MTA1: variants seen among roughly 807,000 people sequenced by gnomAD.
The protein encoded by MTA1 is metastasis associated 1.
MTA1 carries 15 observed loss-of-function variants against 97.0 expected under a neutral mutation model. That is an observed-to-expected ratio of 0.15 (90% CI 0.10 to 0.24). The LOEUF is 0.24. Ranked by LOEUF, MTA1 falls within the 10% of genes least tolerant of loss-of-function variation. The pLI is 1.00. For missense variants in MTA1, 709 were observed against 1,015.1 expected, an observed-to-expected ratio of 0.70 and a Z score of 4.10; for synonymous variants, 435 against 417.5, an observed-to-expected ratio of 1.04 and a Z score of -0.51.
At chr14:105,444,136 G>C (rs930776612) in intron 2 of MTA1, among the ~76,000 whole-genome samples, 1 of 151,838 alleles carries the variant, frequency 6.6e-6, no homozygotes, top group South Asian at 2.1e-4. Context: ...CACTTTGAGA[G>C]ACCAAGACGG....
intron 18 of MTA1, chr14:105,467,742 AGCCCACTCT>A: frequency 3.1e-6 from 1 of 322,450 alleles, no homozygotes; most frequent in East Asian, 1.0e-4. Flanking sequence ...GCCCAGGGCC[AGCCCACTCT>A]GGGCTGGCTT....
At chr14:105,441,416 G>A (rs11845893) in intron 2 of MTA1, among the ~76,000 whole-genome samples, 1 of 152,230 alleles carries the variant, frequency 6.6e-6, no homozygotes, top group Non-Finnish European at 1.5e-5. Flanking sequence ...CAGCACCGGG[G>A]AGGCTCCCAG....
chr14:105,426,647 C>A (rs1186806459), intron 1 of MTA1, among the ~76,000 whole-genome samples: 1 of 152,218 alleles, frequency 6.6e-6, no homozygotes, highest in African/African-American at 2.4e-5. Flanking sequence ...CTGTCTGCAT[C>A]CCCTGGGGGC....
At chr14:105,442,962 G>A (rs1555426167) in intron 2 of MTA1, among the ~76,000 whole-genome samples, 4 of 152,266 alleles carry the variant, frequency 2.6e-5, no homozygotes, top group South Asian at 2.1e-4. Context: ...ACCTGAATGC[G>A]GAAGAGCCTG....
chr14:105,460,640 G>A, intron 9 of MTA1, 125 bp from the exon 10 acceptor site: 13 of 1,249,256 alleles, frequency 1.0e-5, no homozygotes, highest in South Asian at 4.6e-5. Context: ...TGCTGAGGGT[G>A]CAGGGAGGGT....
rs1415210041 is a variant in MTA1 at position 105,422,603 on chromosome 14, A to G, written c.28+2540A>G. Among the ~76,000 whole-genome samples the G allele has an allele frequency of 2.6e-5, 4 of 152,156 alleles. No individual in the cohort carries two copies. The highest frequency in any genetic ancestry group is 9.7e-5 in the African/African-American group (4 of 41,426). On this transcript the variant is annotated intron_variant, in intron 1 of 20. Transcript: ENST00000331320. This position sits in a 1 kb window ranked among gnomAD's most constrained non-coding sequence, Gnocchi z 4.3. The stretch of plus-strand genomic sequence containing the variant: ...CAAATTTGAGTTTCAGATAAACAGA[A>G]ATTTATTAGTGTAAGTATGTCCCAA...
At chr14:105,442,387 C>A (rs1411019529) in intron 2 of MTA1, among the ~76,000 whole-genome samples, 1 of 152,202 alleles carries the variant, frequency 6.6e-6, no homozygotes, top group South Asian at 2.1e-4. Context: ...AAGATGCGGC[C>A]CCTGGTGCAG....
At chr14:105,453,469 T>G (rs2083022780) in intron 6 of MTA1, among the ~76,000 whole-genome samples, 1 of 152,244 alleles carries the variant, frequency 6.6e-6, no homozygotes, top group Non-Finnish European at 1.5e-5. Flanking sequence ...GTGATTGCAC[T>G]GCTGCACTCC....
Position 105,460,340 on chromosome 14 carries a change from C to A in MTA1, c.654-18C>A. The A allele has an allele frequency of 1.9e-6, 3 of 1,598,116 alleles. No individual in the cohort carries two copies. The highest frequency in any genetic ancestry group is 1.7e-6 in the Non-Finnish European group (2 of 1,172,318). On this transcript the variant is annotated intron_variant, in intron 8 of 20. Coordinates refer to ENST00000331320, the MANE Select transcript of MTA1 (RefSeq NM_004689.4). ...CCTGCTTGGCCGACACTGTGGTCAGCGCATCTCCTTTCCCCAGCTCTGTGG... is the reference window on the plus strand; with the variant it reads ...CCTGCTTGGCCGACACTGTGGTCAGAGCATCTCCTTTCCCCAGCTCTGTGG...
chr14:105,466,442 C>A lies in MTA1; in HGVS notation c.1641C>A (p.Pro547=). Residue 547 remains proline, a synonymous_variant, in exon 17 of 21, where the codon CCC becomes CCA. Coordinates refer to ENST00000331320, the MANE Select transcript of MTA1 (RefSeq NM_004689.4). ...TCCCGGCAGAGACCCACCCCCGCCC[C>A]CCCAAGCCTGACCCCGTGAAAAGCG... ...VLRYLETHPR[P]PKPDPVKSVS... The A allele has an allele frequency of 6.4e-7, 1 of 1,561,768 alleles. No individual in the cohort carries two copies. Among genetic ancestry groups the A allele is most frequent in the Non-Finnish European group, 8.8e-7 (1 of 1,142,368 alleles).
intron 1 of MTA1, among the ~76,000 whole-genome samples, chr14:105,423,699 A>C (rs1555421543): frequency 1.3e-5 from 2 of 152,208 alleles, no homozygotes; most frequent in Non-Finnish European, 2.9e-5. Context: ...GCTGGTCTTC[A>C]CTGGGCTTGG....
At chr14:105,444,017 G>A (rs2082629830) in intron 2 of MTA1, among the ~76,000 whole-genome samples, 1 of 151,794 alleles carries the variant, frequency 6.6e-6, no homozygotes, top group South Asian at 2.1e-4. Flanking sequence ...GAACCCGGGA[G>A]GTGGAGGTTG....
At chr14:105,440,027 T>G (rs2082456882) in intron 2 of MTA1, among the ~76,000 whole-genome samples, 1 of 152,172 alleles carries the variant, frequency 6.6e-6, no homozygotes, top group Admixed American at 6.5e-5. Flanking sequence ...TGCCACCACC[T>G]GGGGCCGAGG....
intron 3 of MTA1, 74 bp from the exon 4 acceptor site, chr14:105,449,285 C>T (rs1309692408): frequency 6.7e-7 from 1 of 1,502,910 alleles, no homozygotes; most frequent in African/African-American, 1.4e-5. Flanking sequence ...AGCCCTCGGT[C>T]CGGGCCCTGG....
rs370554338 is a variant in MTA1 at position 105,460,341 on chromosome 14, G to A, written c.654-17G>A. 3.8e-6 allele frequency: 6 copies of A among 1,599,218 alleles called. No homozygotes were observed. Among genetic ancestry groups the A allele is most frequent in the African/African-American group, 2.7e-5 (2 of 74,502 alleles). On this transcript the variant is annotated splice_polypyrimidine_tract_variant and intron_variant, in intron 8 of 20. Transcript: ENST00000331320. ...CTGCTTGGCCGACACTGTGGTCAGC[G>A]CATCTCCTTTCCCCAGCTCTGTGGG... is the stretch of plus-strand genomic sequence containing the variant.
In MTA1 at chr14:105,463,675, C is replaced by A. The variant is rs1341083903; in HGVS notation, c.1076+124C>A. On this transcript the variant is annotated intron_variant, in intron 12 of 20. Coordinates refer to ENST00000331320, the MANE Select transcript of MTA1 (RefSeq NM_004689.4). This position sits in a 1 kb window ranked among gnomAD's most constrained non-coding sequence, Gnocchi z 5.9. ...TCAGAGGCTGGGAAAGTTGGGGCAG[C>A]CCCCGGGAGGGCGGCCCAGGGCTGG... 1 of 1,002,426 alleles carries A rather than the reference C, an allele frequency of 1.0e-6. No individual in the cohort carries two copies. Among genetic ancestry groups the A allele is most frequent in the African/African-American group, 1.6e-5 (1 of 61,914 alleles). The allele number at this position is 1,002,426 out of a possible 1,614,324, so 62.1% of individuals were successfully genotyped here.
rs1555434335 is a variant in MTA1 at position 105,470,352 on chromosome 14, G to A, written c.*137G>A. Reference sequence around the variant, plus strand: ...CCTGCAGAGAAACGCGCTCCTTGGCGGACACTGGGGGAGGAGAGGAAGAAG... The same window carrying A: ...CCTGCAGAGAAACGCGCTCCTTGGCAGACACTGGGGGAGGAGAGGAAGAAG... On this transcript the variant is annotated 3_prime_UTR_variant, in exon 21 of 21. Transcript: ENST00000331320. 9.0e-6 allele frequency: 6 copies of A among 664,298 alleles called. No homozygotes were observed. Among genetic ancestry groups the A allele is most frequent in the Admixed American group, 4.2e-5 (1 of 23,952 alleles). 41.2% of individuals were successfully genotyped at this position (664,298 alleles called of 1,614,324 possible). A position where few individuals can be genotyped will look rare whatever the true frequency, so the allele number is the denominator to read the frequency against.
At chr14:105,441,004 G>T (rs1285473995) in intron 2 of MTA1, among the ~76,000 whole-genome samples, 1 of 152,228 alleles carries the variant, frequency 6.6e-6, no homozygotes, top group Non-Finnish European at 1.5e-5. Context: ...AGCTTGGAAG[G>T]CAGCCAGGCA....
intron 17 of MTA1, 36 bp downstream of exon 17, chr14:105,466,614 C>A: frequency 6.4e-7 from 1 of 1,568,142 alleles, no homozygotes; most frequent in Non-Finnish European, 8.7e-7. Context: ...TGTGGCCCTC[C>A]CCGCCCGGTG....
Sources: gnomAD v4.1 joint callset for allele counts (sites outside exome capture counted in the v4.1 genomes callset) on GRCh38, gnomAD v4.1.1 for gene constraint, Gnocchi (gnomAD v3.1) non-coding constraint, MANE v1.5 for transcripts, NCBI Gene and HGNC (gene_info 2026-07-23, HGNC 2026-07-21) for gene names.